The following COL24A1 variants were observed in gnomAD, a reference collection of about 807,000 sequenced individuals.
The protein encoded by COL24A1 is collagen type XXIV alpha 1 chain.
Under a neutral mutation model 253.9 loss-of-function variants are expected in COL24A1, and 224 were observed. That is an observed-to-expected ratio of 0.88 (90% CI 0.79 to 0.99). The LOEUF is 0.99. Ranked by LOEUF, COL24A1 falls within the 50% of genes least tolerant of loss-of-function variation. The pLI is 0.00. For synonymous variants in COL24A1, 685 were observed against 673.7 expected, an observed-to-expected ratio of 1.02 and a Z score of -0.26; for missense variants, 2,131 against 2,068.5, an observed-to-expected ratio of 1.03 and a Z score of -0.59.
At chr1:86,135,139 A>C (rs576309614) in intron 2 of COL24A1, among the ~76,000 whole-genome samples, 1 of 147,474 alleles carries the variant, frequency 6.8e-6, no homozygotes, top group East Asian at 2.0e-4. Flanking sequence ...TTGTTGGTTT[A>C]AAGTCTGTTT....
chr1:85,765,559 T>TTAAA (rs5775868), intron 53 of COL24A1, among the ~76,000 whole-genome samples: 119 of 143,102 alleles, frequency 8.3e-4, no homozygotes, highest in Middle Eastern at 3.4e-3. Flanking sequence ...AAAAAAATCA[T>TTAAA]TAAATAAATA....
At chr1:85,757,024 A>T (rs1338793685) in intron 55 of COL24A1, among the ~76,000 whole-genome samples, 1 of 152,228 alleles carries the variant, frequency 6.6e-6, no homozygotes, top group African/African-American at 2.4e-5. Flanking sequence ...AGAGACAGAA[A>T]GTAGAACGGT....
intron 2 of COL24A1, among the ~76,000 whole-genome samples, chr1:86,139,153 AAAAG>A (rs1572054667): frequency 7.4e-6 from 1 of 136,020 alleles, no homozygotes; most frequent in East Asian, 2.2e-4. Flanking sequence ...AAGTTAGAAT[AAAAG>A]AAAGATGAGG....
At chr1:85,757,128 G>GGTA (rs1241197515) in intron 55 of COL24A1, among the ~76,000 whole-genome samples, 1 of 152,078 alleles carries the variant, frequency 6.6e-6, no homozygotes, top group Non-Finnish European at 1.5e-5. Context: ...TCTAGGCATG[G>GGTA]GTAGTAATGG....
intron 12 of COL24A1, among the ~76,000 whole-genome samples, chr1:86,039,986 C>A (rs1699336067): frequency 6.6e-6 from 1 of 152,102 alleles, no homozygotes; most frequent in African/African-American, 2.4e-5. Context: ...GTAGGTTTGG[C>A]CCAATTCATG....
At chr1:85,909,267 C>G (rs1417197734) in intron 26 of COL24A1, among the ~76,000 whole-genome samples, 2 of 151,712 alleles carry the variant, frequency 1.3e-5, no homozygotes, top group East Asian at 3.8e-4. Context: ...ACTTATAGGA[C>G]TTTTCTGATA....
intron 53 of COL24A1, 39 bp downstream of exon 53, chr1:85,775,635 T>C (rs1015661870): frequency 1.3e-6 from 2 of 1,557,756 alleles, no homozygotes; most frequent in Non-Finnish European, 1.8e-6. Context: ...TATAGCCTAG[T>C]GTCAGGGTTA....
chr1:85,855,672 C>CT (rs1678347848), intron 37 of COL24A1, among the ~76,000 whole-genome samples: 1 of 152,016 alleles, frequency 6.6e-6, no homozygotes, highest in Admixed American at 6.6e-5. Context: ...CTGAAGTCTT[C>CT]TTTTTTTGTT....
At chr1:85,830,284 A>C (rs1675036082) in intron 43 of COL24A1, among the ~76,000 whole-genome samples, 1 of 152,124 alleles carries the variant, frequency 6.6e-6, no homozygotes, top group East Asian at 1.9e-4. Flanking sequence ...GCCCGTTCTC[A>C]GATCTCCAGT....
At chr1:85,951,160 A>G (rs1420157810) in intron 24 of COL24A1, among the ~76,000 whole-genome samples, 2 of 152,218 alleles carry the variant, frequency 1.3e-5, no homozygotes, top group Non-Finnish European at 2.9e-5. Flanking sequence ...TTAATTTATC[A>G]TAGTTCAACA....
rs1689173580 is a variant in COL24A1 at position 85,945,018 on chromosome 1, T to TTTTTTTTTTTTTTTG, written c.2562+16230_2562+16231insCAAAAAAAAAAAAAA. ...TATCATTGTGTTTTTTTTTTTTTTT[T>TTTTTTTTTTTTTTTG]TTTTTTTTTTTTTTTTTGAGACAGA... On this transcript the variant is annotated intron_variant, in intron 24 of 59. Coordinates refer to ENST00000370571, the MANE Select transcript of COL24A1 (RefSeq NM_152890.7). Among the ~76,000 whole-genome samples, 4 of 86,838 alleles carry TTTTTTTTTTTTTTTG rather than the reference T, an allele frequency of 4.6e-5. 1 individual carries two copies. The highest frequency in any genetic ancestry group is 6.1e-4 in the South Asian group (1 of 1,636). The allele number at this position is 86,838 out of a possible 152,430, so 57.0% of individuals were successfully genotyped here.
intron 1 of COL24A1, chr1:86,156,127 ACTGT>A: frequency 2.0e-6 from 1 of 490,084 alleles, no homozygotes; most frequent in Non-Finnish European, 3.6e-6. Context: ...TTTAGCATAA[ACTGT>A]CTGAGATCTG....
chr1:85,824,210 G>T (rs539404926), intron 43 of COL24A1, among the ~76,000 whole-genome samples: 3 of 152,316 alleles, frequency 2.0e-5, no homozygotes, highest in African/African-American at 7.2e-5. Flanking sequence ...CAGAGGCAGA[G>T]ATTGGAGAGA....
intron 19 of COL24A1, 100 bp from the exon 20 acceptor site, chr1:85,987,754 G>A (rs563149985): frequency 4.0e-5 from 38 of 948,542 alleles, no homozygotes; most frequent in Middle Eastern, 3.1e-4. Context: ...TCCAGTTAAA[G>A]CAATTTATAA....
intron 43 of COL24A1, among the ~76,000 whole-genome samples, chr1:85,836,142 A>G (rs1426168016): frequency 6.6e-6 from 1 of 152,216 alleles, no homozygotes; most frequent in African/African-American, 2.4e-5. Flanking sequence ...AACCTAGCAT[A>G]AAAGTATTCA....
intron 24 of COL24A1, among the ~76,000 whole-genome samples, chr1:85,913,651 T>C (rs1241164896): frequency 6.6e-6 from 1 of 152,232 alleles, no homozygotes; most frequent in African/African-American, 2.4e-5. Context: ...GTGTTGGCTA[T>C]GTTGCTTAAT....
At chr1:86,016,413 G>C (rs1032797135) in intron 19 of COL24A1, among the ~76,000 whole-genome samples, 3 of 152,154 alleles carry the variant, frequency 2.0e-5, no homozygotes, top group African/African-American at 7.2e-5. Context: ...TATTTTCTCA[G>C]CCTTCTGCTG....
At chr1:85,780,121 T>G (rs1668998939) in intron 52 of COL24A1, among the ~76,000 whole-genome samples, 1 of 152,176 alleles carries the variant, frequency 6.6e-6, no homozygotes, top group African/African-American at 2.4e-5. Context: ...ACTTACAATC[T>G]TATATAGCTC....
intron 24 of COL24A1, among the ~76,000 whole-genome samples, chr1:85,912,864 C>T (rs1685506728): frequency 6.6e-6 from 1 of 152,144 alleles, no homozygotes; most frequent in Non-Finnish European, 1.5e-5. Context: ...TGTAAAATAG[C>T]TAACTAATGA....
Sources: allele counts gnomAD v4.1 joint callset (sites outside exome capture counted in the v4.1 genomes callset), GRCh38; gene constraint gnomAD v4.1.1; transcripts MANE v1.5; gene names NCBI Gene and HGNC (gene_info 2026-07-23, HGNC 2026-07-21).